BAIAP2L1: variants seen among roughly 807,000 people sequenced by gnomAD.
BAIAP2L1 encodes the protein BAR/IMD domain containing adaptor protein 2 like 1.
Under a neutral mutation model 66.3 loss-of-function variants are expected in BAIAP2L1, and 35 were observed. That is an observed-to-expected ratio of 0.53 (90% CI 0.40 to 0.70). The LOEUF (loss-of-function observed/expected upper bound fraction) is 0.70, where lower values mean the gene tolerates loss of function less well. Ranked by LOEUF, BAIAP2L1 falls within the 30% of genes least tolerant of loss-of-function variation. BAIAP2L1 has a pLI of 0.00. For missense variants in BAIAP2L1, 622 were observed against 656.9 expected (o/e 0.95, Z 0.58); for synonymous variants, 269 against 248.7 (o/e 1.08, Z -0.77).
intron 1 of BAIAP2L1, among the ~76,000 whole-genome samples, chr7:98,367,819 T>G (rs1482381006): frequency 6.6e-6 from 1 of 152,028 alleles, no homozygotes; most frequent in Non-Finnish European, 1.5e-5. Context: ...AGATGGGGTT[T>G]CGCCATGTTG....
chr7:98,333,022 C>T (rs1194373170), intron 3 of BAIAP2L1, among the ~76,000 whole-genome samples: 1 of 152,006 alleles, frequency 6.6e-6, no homozygotes, highest in East Asian at 1.9e-4. Context: ...CCACTAAAGC[C>T]TCAGGGCCTT....
intron 1 of BAIAP2L1, among the ~76,000 whole-genome samples, chr7:98,392,967 TTA>T (rs201126307): frequency 1.0e-4 from 15 of 150,676 alleles, no homozygotes. Flanking sequence ...TGATTTTTAT[TTA>T]TATATATAGA....
At chr7:98,318,945 C>CAAA (rs369964958) in intron 5 of BAIAP2L1, among the ~76,000 whole-genome samples, 6 of 114,566 alleles carry the variant, frequency 5.2e-5, no homozygotes, top group African/African-American at 1.1e-4. Context: ...GACTCCATCT[C>CAAA]AAAAAAAAAA....
At chr7:98,306,987 A>G (rs1298351988) in intron 10 of BAIAP2L1, 1 of 160,686 alleles carries the variant, frequency 6.2e-6, no homozygotes, top group African/African-American at 2.4e-5. Flanking sequence ...CTGACAAGCT[A>G]GTTACAGGAA....
Position 98,312,184 on chromosome 7 carries a change from C to A in BAIAP2L1, c.720G>T (p.Met240Ile), listed in dbSNP as rs1800899609. ...VDAIKVPEKIMNMIEEIKTPA... is the reference protein window; with the variant it reads ...VDAIKVPEKIINMIEEIKTPA... ...GGGTCTTTATTTCTTCGATCATATT[C>A]ATGATTTTCTCTGGCACTTTGATGG... is the stretch of plus-strand genomic sequence containing the variant. The change falls in exon 8 of 14, where the codon ATG becomes ATT. Residue 240 changes from methionine (M) to isoleucine (I), a missense_variant. Physicochemically the swap from Met to Ile is conservative, Grantham distance 10. Transcript: ENST00000005260. 6.2e-7 allele frequency: 1 copy of A among 1,613,946 alleles called. No homozygotes were observed. The highest frequency in any genetic ancestry group is 8.5e-7 in the Non-Finnish European group (1 of 1,179,986).
intron 3 of BAIAP2L1, among the ~76,000 whole-genome samples, chr7:98,348,554 G>A (rs1307368622): frequency 1.4e-5 from 2 of 141,008 alleles, no homozygotes; most frequent in African/African-American, 5.4e-5. Flanking sequence ...GCAACAGAGT[G>A]AGACTCTGCC....
chr7:98,306,781 CA>C, intron 10 of BAIAP2L1: 1 of 460,574 alleles, frequency 2.2e-6, no homozygotes, highest in East Asian at 4.5e-5. Context: ...GATCATAGCT[CA>C]CAGCAGCCTC....
chr7:98,294,147 G>A, intron 12 of BAIAP2L1, 36 bp from the exon 13 acceptor site: 2 of 1,607,614 alleles, frequency 1.2e-6, no homozygotes, highest in Non-Finnish European at 1.7e-6. Flanking sequence ...GGAGGGCTTA[G>A]AATTGGTCTT....
At position 98,397,590 on chromosome 7, in the gene BAIAP2L1, G is replaced by A. The variant is rs371351494; in HGVS notation, c.51+3212C>T. Among the ~76,000 whole-genome samples the A allele has an allele frequency of 1.1e-4, 17 of 152,250 alleles. No individual in the cohort carries two copies. The East Asian group carries it at 2.7e-3, about 24-fold the overall frequency. ...TGCCTGCCCACCTTGGCCTCCCAAA[G>A]TGCTGGGATTACAGGCGTGAGCCAC... On this transcript the variant is annotated intron_variant, in intron 1 of 13. Coordinates refer to ENST00000005260, the MANE Select transcript of BAIAP2L1 (RefSeq NM_018842.5).
At chr7:98,400,126 G>T (rs12704989) in intron 1 of BAIAP2L1, 57,882 of 149,906 alleles carry the variant, frequency 0.39, 12,508 homozygotes, top group Middle Eastern at 0.55. Flanking sequence ...CAAGAAGTTG[G>T]GAGGAGGACG....
chr7:98,385,793 T>C, intron 1 of BAIAP2L1: 1 of 1,501,448 alleles, frequency 6.7e-7, no homozygotes, highest in Non-Finnish European at 9.0e-7. Flanking sequence ...AAGTCTGAAC[T>C]TTAAACAGAT....
intron 3 of BAIAP2L1, 82 bp from the exon 4 acceptor site, chr7:98,320,380 G>T: frequency 9.1e-7 from 1 of 1,104,564 alleles, no homozygotes; most frequent in Non-Finnish European, 1.3e-6. Flanking sequence ...CTGTCGCCCA[G>T]GCTGGAGTGC....
intron 1 of BAIAP2L1, among the ~76,000 whole-genome samples, chr7:98,379,330 C>T (rs1213055333): frequency 2.6e-5 from 4 of 152,198 alleles, no homozygotes; most frequent in African/African-American, 9.6e-5. Flanking sequence ...GACGAACCAG[C>T]TGCAGGCTGT....
intron 1 of BAIAP2L1, among the ~76,000 whole-genome samples, chr7:98,387,090 A>G (rs1435938328): frequency 6.6e-6 from 1 of 152,062 alleles, no homozygotes; most frequent in Admixed American, 6.6e-5. Context: ...CTTTCTTCCC[A>G]TATTGAGACA....
intron 2 of BAIAP2L1, among the ~76,000 whole-genome samples, chr7:98,356,411 A>T (rs968151400): frequency 4.6e-5 from 7 of 152,168 alleles, no homozygotes; most frequent in Admixed American, 2.0e-4. Flanking sequence ...TTTTGGAGCT[A>T]AAAGAGCCCT....
At chr7:98,369,663 ATTTTTTTTTTT>A (rs71112146) in intron 1 of BAIAP2L1, among the ~76,000 whole-genome samples, 4,115 of 103,898 alleles carry the variant, frequency 0.04, 94 homozygotes, top group South Asian at 0.12. Flanking sequence ...TGATTTCCTA[ATTTTTTTTTTT>A]TTTTTTTTTT....
chr7:98,387,012 C>A, intron 1 of BAIAP2L1, among the ~76,000 whole-genome samples: 1 of 152,144 alleles, frequency 6.6e-6, no homozygotes, highest in East Asian at 1.9e-4. Context: ...CAAAGACTTC[C>A]TTAAAGACTG....
chr7:98,321,013 C>G (rs1029774755), intron 3 of BAIAP2L1, among the ~76,000 whole-genome samples: 1 of 152,034 alleles, frequency 6.6e-6, no homozygotes, highest in Admixed American at 6.6e-5. Context: ...TGCACCACCA[C>G]ACTCAGCTAT....
Position 98,320,236 on chromosome 7 carries a change from C to T in BAIAP2L1, c.276+1G>A. The T allele has an allele frequency of 6.2e-7, 1 of 1,607,410 alleles. No homozygotes were observed. Among genetic ancestry groups the T allele is most frequent in the Non-Finnish European group, 8.5e-7 (1 of 1,175,142 alleles). On this transcript the variant is annotated splice_donor_variant, in intron 4 of 13. Coordinates refer to ENST00000005260, the MANE Select transcript of BAIAP2L1 (RefSeq NM_018842.5). LOFTEE classifies it high-confidence loss of function. ...TGTAAATAGAAACACAGATCACGTA[C>T]ATTTTCATCAAGACTCTCGTTGAGT...
Sources: gnomAD v4.1 joint callset for allele counts (sites outside exome capture counted in the v4.1 genomes callset) on GRCh38, gnomAD v4.1.1 for gene constraint, MANE v1.5 for transcripts, NCBI Gene and HGNC (gene_info 2026-07-23, HGNC 2026-07-21) for gene names.